WDR70: variants seen among roughly 807,000 people sequenced by gnomAD.
WDR70 encodes the protein WD repeat domain 70, also known as WD repeat-containing protein 70.
WDR70 carries 53 observed loss-of-function variants against 88.6 expected under a neutral mutation model. The observed-to-expected ratio is 0.60, with a 90% CI of 0.48 to 0.75. The LOEUF (loss-of-function observed/expected upper bound fraction) is 0.75. Ranked by LOEUF, WDR70 falls within the 30% of genes least tolerant of loss-of-function variation. The probability of loss-of-function intolerance (pLI) is 0.00; values close to 1 mark genes in which losing one functional copy is unlikely to be tolerated. For missense variants in WDR70, 610 were observed against 823.2 expected (o/e 0.74, Z 3.17); for synonymous variants, 280 against 270.0 (o/e 1.04, Z -0.36).
chr5:37,420,180 T>C (rs1191868318), intron 5 of WDR70, among the ~76,000 whole-genome samples: 1 of 151,956 alleles, frequency 6.6e-6, no homozygotes, highest in Non-Finnish European at 1.5e-5. Context: ...CTGGGCAACA[T>C]AGACCCAGTC....
chr5:37,733,861 T>A (rs1337838427), intron 17 of WDR70, among the ~76,000 whole-genome samples: 2 of 152,054 alleles, frequency 1.3e-5, no homozygotes, highest in East Asian at 3.8e-4. Context: ...TTTCTTCACA[T>A]AGACCTGTCA....
At chr5:37,622,482 G>C (rs527289533) in intron 10 of WDR70, among the ~76,000 whole-genome samples, 31 of 152,050 alleles carry the variant, frequency 2.0e-4, no homozygotes, top group Admixed American at 3.9e-4. Flanking sequence ...GCAAAGACTT[G>C]GAACCAAGCC....
intron 5 of WDR70, among the ~76,000 whole-genome samples, chr5:37,427,597 T>A (rs1412171548): frequency 6.6e-6 from 1 of 152,140 alleles, no homozygotes; most frequent in Non-Finnish European, 1.5e-5. Context: ...ATTTCCCAGC[T>A]GGGCATGGTG....
intron 10 of WDR70, among the ~76,000 whole-genome samples, chr5:37,625,340 T>C (rs902024353): frequency 2.6e-5 from 4 of 152,168 alleles, no homozygotes; most frequent in African/African-American, 9.7e-5. Flanking sequence ...CAGCATTTGT[T>C]ATTATTTTTT....
intron 9 of WDR70, among the ~76,000 whole-genome samples, chr5:37,593,317 C>A (rs867609434): frequency 6.1e-4 from 93 of 152,234 alleles, no homozygotes; most frequent in South Asian, 1.0e-3. Context: ...TGCTCCCCAC[C>A]CCTCAACAGG....
At position 37,668,541 on chromosome 5, in the gene WDR70, G is replaced by C. The variant is rs533120406; in HGVS notation, c.1093-29114G>C. On this transcript the variant is annotated intron_variant, in intron 10 of 17. Transcript: ENST00000265107. ...CTCAACTAGGGTTTATAAGAAGAGA[G>C]ATTAATGTGAAGGTAACTTGTGCAT... Among the ~76,000 whole-genome samples the C allele has an allele frequency of 2.0e-4, 31 of 152,336 alleles. No homozygotes were observed. In the South Asian group the frequency reaches 6.4e-3, roughly 32 times the overall value.
At chr5:37,390,089 G>A (rs1465443446) in intron 3 of WDR70, among the ~76,000 whole-genome samples, 1 of 121,394 alleles carries the variant, frequency 8.2e-6, no homozygotes, top group East Asian at 1.9e-4. Context: ...AGGTTATTGA[G>A]GATGGTGGCA....
chr5:37,548,954 G>T (rs1459322441), intron 9 of WDR70, among the ~76,000 whole-genome samples: 1 of 152,106 alleles, frequency 6.6e-6, no homozygotes, highest in Non-Finnish European at 1.5e-5. Flanking sequence ...TTCACTACAG[G>T]TGTGTGGATT....
At chr5:37,687,076 G>C (rs74373304) in intron 10 of WDR70, among the ~76,000 whole-genome samples, 1 of 152,194 alleles carries the variant, frequency 6.6e-6, no homozygotes, top group Non-Finnish European at 1.5e-5. Flanking sequence ...TAAAGGACAA[G>C]TTGCAGTTTT....
At chr5:37,419,021 C>T (rs1034564160) in intron 5 of WDR70, among the ~76,000 whole-genome samples, 1 of 149,614 alleles carries the variant, frequency 6.7e-6, no homozygotes, top group African/African-American at 2.6e-5. Flanking sequence ...GCCTTGGCCT[C>T]CCAAAGTGCT....
intron 10 of WDR70, among the ~76,000 whole-genome samples, chr5:37,657,621 A>G: frequency 6.6e-6 from 1 of 152,196 alleles, no homozygotes. Flanking sequence ...TTGATTATGA[A>G]AAAGGTTGAG....
At chr5:37,733,054 A>C (rs1210437555) in intron 17 of WDR70, among the ~76,000 whole-genome samples, 1 of 152,164 alleles carries the variant, frequency 6.6e-6, no homozygotes, top group East Asian at 1.9e-4. Context: ...AAAAAGTAGA[A>C]ATTGATTCTG....
intron 7 of WDR70, among the ~76,000 whole-genome samples, chr5:37,468,492 CA>C (rs1739230315): frequency 6.6e-6 from 1 of 151,850 alleles, no homozygotes; most frequent in African/African-American, 2.4e-5. Context: ...TTTATTGACA[CA>C]TAATAATTGT....
At chr5:37,461,258 A>G (rs1439627846) in intron 7 of WDR70, among the ~76,000 whole-genome samples, 1 of 152,108 alleles carries the variant, frequency 6.6e-6, no homozygotes, top group Non-Finnish European at 1.5e-5. Context: ...AAAGCTCTTC[A>G]CAACCGCTTA....
chr5:37,489,784 G>A (rs565839972), intron 8 of WDR70, among the ~76,000 whole-genome samples: 2 of 150,630 alleles, frequency 1.3e-5, no homozygotes, highest in Admixed American at 1.3e-4. Context: ...GGGGGTGACA[G>A]TGTCAGGCAT....
intron 10 of WDR70, among the ~76,000 whole-genome samples, chr5:37,696,673 A>G (rs562537783): frequency 9.6e-4 from 83 of 86,296 alleles, no homozygotes; most frequent in Non-Finnish European, 1.8e-3. Flanking sequence ...GTACACACAC[A>G]CGCGCGTGCA....
At chr5:37,492,432 C>T (rs1296326286) in intron 8 of WDR70, among the ~76,000 whole-genome samples, 1 of 152,096 alleles carries the variant, frequency 6.6e-6, no homozygotes, top group Non-Finnish European at 1.5e-5. Flanking sequence ...CCCTGCACTT[C>T]TCCTTGAATG....
chr5:37,600,459 G>A (rs543493508), intron 9 of WDR70, among the ~76,000 whole-genome samples: 17 of 148,774 alleles, frequency 1.1e-4, no homozygotes, highest in East Asian at 4.0e-4. Flanking sequence ...CCCGCAAGGC[G>A]GAGCTTGCAG....
At chr5:37,624,849 G>A (rs776335005) in intron 10 of WDR70, among the ~76,000 whole-genome samples, 2 of 152,264 alleles carry the variant, frequency 1.3e-5, no homozygotes, top group Admixed American at 1.3e-4. Flanking sequence ...CTCTGAGTAC[G>A]CATTCCTTCC....
Sources: gnomAD v4.1 joint callset for allele counts (sites outside exome capture counted in the v4.1 genomes callset) on GRCh38, gnomAD v4.1.1 for gene constraint, MANE v1.5 for transcripts, NCBI Gene and HGNC (gene_info 2026-07-23, HGNC 2026-07-21) for gene names.